Variants in PTPRG observed in about 807,000 individuals in gnomAD.
PTPRG encodes the protein protein tyrosine phosphatase receptor type G.
In PTPRG, 102 loss-of-function variants were observed where a neutral mutation model predicts 165.3. The observed-to-expected ratio is 0.62, with a 90% CI of 0.53 to 0.73. The LOEUF is 0.73. Among genes scored for constraint, PTPRG ranks in the 30% least tolerant of loss-of-function variants. The pLI is 0.00. For synonymous variants in PTPRG, 675 were observed against 669.5 expected (o/e 1.01, Z -0.13); for missense variants, 1,866 against 1,861.4 (o/e 1.00, Z -0.05).
intron 28 of PTPRG, 135 bp from the exon 29 acceptor site, chr3:62,292,286 C>A: frequency 1.0e-6 from 1 of 990,126 alleles, no homozygotes; most frequent in Non-Finnish European, 1.5e-6. Context: ...ACCAGCATTT[C>A]ATTCAGTCGT....
chr3:62,090,555 T>C (rs1025185183), intron 5 of PTPRG, among the ~76,000 whole-genome samples: 7 of 152,252 alleles, frequency 4.6e-5, no homozygotes, highest in African/African-American at 1.4e-4. Flanking sequence ...ATTTTGTAAG[T>C]GAAAAATGTC....
chr3:61,654,597 G>A lies in PTPRG; in HGVS notation c.85+92225G>A, dbSNP rs75643873. ...GATGAGGTTTCGTCATGTTGTCCAG[G>A]CTGGTCTTGAACTCCTGAGCTCAGG... On this transcript the variant is annotated intron_variant, in intron 1 of 29. Coordinates refer to ENST00000474889, the MANE Select transcript of PTPRG (RefSeq NM_002841.4). 9.1e-3 allele frequency among the ~76,000 whole-genome samples: 1,377 copies of A among 151,886 alleles called. 25 individuals are homozygous for A. Among genetic ancestry groups the A allele is most frequent in the African/African-American group, 0.029 (1,195 of 41,452 alleles).
At chr3:62,026,389 T>C (rs1471686422) in intron 4 of PTPRG, among the ~76,000 whole-genome samples, 1 of 152,200 alleles carries the variant, frequency 6.6e-6, no homozygotes, top group African/African-American at 2.4e-5. Context: ...TTGATTGTTC[T>C]GTATCTCAGT....
At chr3:62,136,115 C>T (rs1559552414) in intron 6 of PTPRG, among the ~76,000 whole-genome samples, 1 of 152,122 alleles carries the variant, frequency 6.6e-6, no homozygotes, top group East Asian at 1.9e-4. Context: ...TCCAGAGGCA[C>T]CTTCCTAATC....
At position 62,243,862 on chromosome 3, in the gene PTPRG, G is replaced by T. The variant is rs746713297; in HGVS notation, c.2431G>T (p.Val811Phe). Residue 811 changes from valine (V) to phenylalanine (F), a missense_variant, in exon 15 of 30, where the codon GTC becomes TTC. Around this residue, in one of 3 missense-constraint regions of PTPRG, gnomAD observed 1,452 missense variants for 1,463.0 expected, o/e 0.99. Transcript: ENST00000474889. ...YVEDSSSPRVVPNESIPIIPI... is the reference protein window; with the variant it reads ...YVEDSSSPRVFPNESIPIIPI... Reference sequence around the variant, plus strand: ...GGAAGACAGCAGTTCACCTCGAGTGGTCCCTAATGAAAGTATCCCTATTAT... The same window carrying T: ...GGAAGACAGCAGTTCACCTCGAGTGTTCCCTAATGAAAGTATCCCTATTAT... 1.3e-5 allele frequency: 20 copies of T among 1,590,394 alleles called. No homozygotes were observed. Among genetic ancestry groups the T allele is most frequent in the Non-Finnish European group, 1.6e-5 (19 of 1,159,334 alleles).
intron 2 of PTPRG, among the ~76,000 whole-genome samples, chr3:61,875,134 T>A (rs1303536164): frequency 6.6e-6 from 1 of 152,206 alleles, no homozygotes; most frequent in African/African-American, 2.4e-5. Context: ...TAGCTTTTGA[T>A]CCCTCTTCTC....
intron 1 of PTPRG, among the ~76,000 whole-genome samples, chr3:61,738,637 C>G (rs1296713924): frequency 6.6e-6 from 1 of 151,194 alleles, no homozygotes; most frequent in Non-Finnish European, 1.5e-5. Context: ...GCTTATTTCT[C>G]ATGGATAAAA....
chr3:62,071,996 C>T (rs1322797584), intron 4 of PTPRG, among the ~76,000 whole-genome samples: 2 of 152,178 alleles, frequency 1.3e-5, no homozygotes, highest in African/African-American at 4.8e-5. Flanking sequence ...GCTTTCTATT[C>T]ATTCAACTTA....
intron 1 of PTPRG, among the ~76,000 whole-genome samples, chr3:61,710,943 C>T (rs986974075): frequency 3.3e-5 from 5 of 151,784 alleles, no homozygotes; most frequent in Admixed American, 1.3e-4. Context: ...CCAGAGAGGC[C>T]CTGGTGTGTG....
At chr3:61,717,343 A>G (rs1307404170) in intron 1 of PTPRG, among the ~76,000 whole-genome samples, 2 of 152,210 alleles carry the variant, frequency 1.3e-5, no homozygotes, top group African/African-American at 4.8e-5. Flanking sequence ...AGATGAGGAA[A>G]CTAAGGACTG....
chr3:61,947,527 G>T (rs992040594), intron 2 of PTPRG, among the ~76,000 whole-genome samples: 1 of 152,166 alleles, frequency 6.6e-6, no homozygotes, highest in Non-Finnish European at 1.5e-5. Context: ...GAGGTGACTT[G>T]TATCCGTTAG....
At chr3:61,925,762 C>G (rs1007170654) in intron 2 of PTPRG, 8 of 374,940 alleles carry the variant, frequency 2.1e-5, no homozygotes, top group Non-Finnish European at 4.2e-5. Flanking sequence ...AAAAAATCAT[C>G]ATTGGTCAAA....
intron 2 of PTPRG, among the ~76,000 whole-genome samples, chr3:61,903,932 T>C (rs1881939): frequency 0.12 from 17,608 of 152,176 alleles, 1,663 homozygotes; most frequent in African/African-American, 0.26. Context: ...ATATGTCTGT[T>C]CTGTCTTCTC....
chr3:62,101,538 T>A (rs375104341), intron 5 of PTPRG, among the ~76,000 whole-genome samples: 1 of 152,258 alleles, frequency 6.6e-6, no homozygotes, highest in Non-Finnish European at 1.5e-5. Flanking sequence ...TCTTACCCTT[T>A]ACTACTACAC....
intron 2 of PTPRG, among the ~76,000 whole-genome samples, chr3:61,830,022 G>A (rs907289962): frequency 1.3e-5 from 2 of 152,200 alleles, no homozygotes; most frequent in Non-Finnish European, 2.9e-5. Flanking sequence ...AGAAACCTTT[G>A]CATGTGGTGA....
Position 62,262,894 on chromosome 3 carries a change from T to C in PTPRG, c.2656T>C (p.Tyr886His), listed in dbSNP as rs556570148. 6 of 1,605,964 alleles carry C rather than the reference T, an allele frequency of 3.7e-6. No individual in the cohort carries two copies. In the Admixed American group the frequency reaches 8.3e-5, roughly 22 times the overall value. ...AAACAGATACATCAACATTTTAGCATGTGAGTAATAAGCTTTAAACTACCT... is the reference window on the plus strand; with the variant it reads ...AAACAGATACATCAACATTTTAGCACGTGAGTAATAAGCTTTAAACTACCT... ...HKNRYINILA[Y>H]DHSRVKLRPL... The change falls in exon 17 of 30, where the codon TAT becomes CAT. Residue 886 changes from tyrosine (Y) to histidine (H), a missense_variant and splice_region_variant. Transcript: ENST00000474889.
At chr3:62,030,663 T>A (rs2107781162) in intron 4 of PTPRG, among the ~76,000 whole-genome samples, 1 of 152,070 alleles carries the variant, frequency 6.6e-6, no homozygotes, top group East Asian at 1.9e-4. Context: ...AAAACCCAGT[T>A]TGGGAGGTGA....
Position 61,841,032 on chromosome 3 carries a change from T to C in PTPRG, c.190+92050T>C, listed in dbSNP as rs2036616902. ...CCTGACCTCAAGTGATCCACTGGCC[T>C]TGGCCTCCCAAAGTGCTGGGATTAC... On this transcript the variant is annotated intron_variant, in intron 2 of 29. Transcript: ENST00000474889. Among the ~76,000 whole-genome samples the C allele has an allele frequency of 2.6e-5, 4 of 152,176 alleles. No homozygotes were observed. The South Asian group carries it at 8.3e-4, about 31-fold the overall frequency.
At chr3:62,145,111 A>G (rs542239876) in intron 6 of PTPRG, among the ~76,000 whole-genome samples, 2 of 152,166 alleles carry the variant, frequency 1.3e-5, no homozygotes, top group Non-Finnish European at 2.9e-5. Flanking sequence ...CGCCTGCTCT[A>G]TGTATGTCAC....
Sources: allele counts gnomAD v4.1 joint callset (sites outside exome capture counted in the v4.1 genomes callset), GRCh38; gene constraint gnomAD v4.1.1; regional missense constraint gnomAD v4.1.1; transcripts MANE v1.5; gene names NCBI Gene and HGNC (gene_info 2026-07-23, HGNC 2026-07-21).